KCNQ5: variants seen among roughly 807,000 people sequenced by gnomAD.
KCNQ5 encodes the protein potassium voltage-gated channel subfamily KQT member 5.
KCNQ5 carries 30 observed loss-of-function variants against 98.2 expected under a neutral mutation model. That is an observed-to-expected ratio of 0.31 (90% CI 0.23 to 0.41). The LOEUF is 0.41. Ranked by LOEUF, KCNQ5 falls within the 10% of genes least tolerant of loss-of-function variation. The probability of loss-of-function intolerance (pLI) is 1.00; values close to 1 mark genes in which losing one functional copy is unlikely to be tolerated. For synonymous variants in KCNQ5, 458 were observed against 449.4 expected, an observed-to-expected ratio of 1.02 and a Z score of -0.24; for missense variants, 835 against 1,182.5, an observed-to-expected ratio of 0.71 and a Z score of 4.31.
chr6:73,061,894 T>C (rs1051085934), intron 3 of KCNQ5, among the ~76,000 whole-genome samples: 6 of 152,132 alleles, frequency 3.9e-5, no homozygotes, highest in Non-Finnish European at 8.8e-5. Flanking sequence ...CTAGAATCGA[T>C]ACCTACAATC....
chr6:72,840,919 G>A (rs906602258), intron 1 of KCNQ5, among the ~76,000 whole-genome samples: 13 of 152,018 alleles, frequency 8.6e-5, no homozygotes, highest in African/African-American at 3.1e-4. Context: ...TGAAGTCTAC[G>A]GTTATGTTTT....
chr6:73,008,171 A>G (rs1303204822), intron 2 of KCNQ5, among the ~76,000 whole-genome samples: 1 of 152,192 alleles, frequency 6.6e-6, no homozygotes, highest in Non-Finnish European at 1.5e-5. Context: ...ACTAAACACA[A>G]AAGAAGGTAG....
intron 5 of KCNQ5, among the ~76,000 whole-genome samples, chr6:73,082,278 T>C (rs1773808445): frequency 6.6e-6 from 1 of 152,224 alleles, no homozygotes; most frequent in African/African-American, 2.4e-5. Context: ...TGGCAGCTTC[T>C]CACTTAAGGA....
At chr6:72,801,582 T>C (rs1161177048) in intron 1 of KCNQ5, among the ~76,000 whole-genome samples, 3 of 127,320 alleles carry the variant, frequency 2.4e-5, no homozygotes, top group Non-Finnish European at 4.9e-5. Context: ...CTTTATCCAA[T>C]TTGCCAGTCT....
intron 1 of KCNQ5, among the ~76,000 whole-genome samples, chr6:72,747,082 A>C (rs1771442943): frequency 2.0e-5 from 3 of 152,128 alleles, no homozygotes; most frequent in African/African-American, 7.2e-5. Context: ...CAGAATTTGG[A>C]TAGGAAAAAA....
Position 73,077,428 on chromosome 6 carries a change from C to T in KCNQ5, c.723C>T (p.Arg241=). The change falls in exon 4 of 14, where the codon CGC becomes CGT. Residue 241 remains arginine (R), a synonymous_variant. Coordinates refer to ENST00000370398, the MANE Select transcript of KCNQ5 (RefSeq NM_019842.4). ...GTCTCCGTTTCCTACAGATCCTCCG[C>T]ATGGTGCGCATGGACCGAAGGGGAG... The part of the protein sequence containing the change: ...LRSLRFLQIL[R]MVRMDRRGGT... The T allele has an allele frequency of 6.2e-7, 1 of 1,614,194 alleles. No individual in the cohort carries two copies. Among genetic ancestry groups the T allele is most frequent in the African/African-American group, 1.3e-5 (1 of 75,064 alleles).
intron 2 of KCNQ5, among the ~76,000 whole-genome samples, 154 bp downstream of exon 2, chr6:73,004,152 C>A (rs1459744017): frequency 6.6e-6 from 1 of 152,118 alleles, no homozygotes; most frequent in Non-Finnish European, 1.5e-5. Flanking sequence ...ATTTGCCCAC[C>A]AATTTAACAT....
At chr6:72,816,331 A>G (rs918151602) in intron 1 of KCNQ5, among the ~76,000 whole-genome samples, 6 of 152,342 alleles carry the variant, frequency 3.9e-5, no homozygotes, top group Middle Eastern at 6.8e-3. Flanking sequence ...TGAGCATAGA[A>G]GATTTTCTCA....
intron 1 of KCNQ5, among the ~76,000 whole-genome samples, chr6:72,765,326 G>A (rs1372588736): frequency 2.0e-5 from 3 of 151,940 alleles, no homozygotes; most frequent in Non-Finnish European, 4.4e-5. Context: ...AGTGGGCAGG[G>A]TGGAGGGAGA....
intron 1 of KCNQ5, among the ~76,000 whole-genome samples, chr6:72,892,837 GT>G (rs969633963): frequency 3.3e-5 from 5 of 151,576 alleles, no homozygotes; most frequent in Admixed American, 2.6e-4. Context: ...TCAGAGTTGG[GT>G]TTTTTTTCCT....
At chr6:73,067,856 G>A (rs1252563214) in intron 3 of KCNQ5, among the ~76,000 whole-genome samples, 4 of 145,158 alleles carry the variant, frequency 2.8e-5, no homozygotes, top group African/African-American at 5.3e-5. Context: ...AGATCATTTG[G>A]ACAAAAGATA....
chr6:72,925,599 C>T (rs1765376460), intron 1 of KCNQ5, among the ~76,000 whole-genome samples: 1 of 152,054 alleles, frequency 6.6e-6, no homozygotes, highest in Admixed American at 6.6e-5. Flanking sequence ...AAACAGAAAA[C>T]AATAACCCAT....
At chr6:72,975,474 A>G (rs773095494) in intron 1 of KCNQ5, among the ~76,000 whole-genome samples, 1 of 152,076 alleles carries the variant, frequency 6.6e-6, no homozygotes, top group East Asian at 1.9e-4. Flanking sequence ...GCTGGCTTTC[A>G]GCTTTCTTTT....
chr6:72,751,030 A>T (rs1771652524), intron 1 of KCNQ5, among the ~76,000 whole-genome samples: 1 of 152,066 alleles, frequency 6.6e-6, no homozygotes, highest in Admixed American at 6.6e-5. Flanking sequence ...AATGGCTAAG[A>T]TATGGTTCCT....
intron 1 of KCNQ5, among the ~76,000 whole-genome samples, chr6:72,914,387 G>T (rs901081360): frequency 2.0e-5 from 3 of 151,624 alleles, no homozygotes; most frequent in African/African-American, 7.3e-5. Context: ...TTTTTAGCCT[G>T]CCAATGTTTT....
At chr6:72,698,631 GTTT>G (rs1443756633) in intron 1 of KCNQ5, among the ~76,000 whole-genome samples, 2 of 116,594 alleles carry the variant, frequency 1.7e-5, no homozygotes, top group Non-Finnish European at 3.5e-5. Flanking sequence ...GTAAATCTGT[GTTT>G]TTTTCTTCTT....
At chr6:72,791,744 T>C (rs182528713) in intron 1 of KCNQ5, among the ~76,000 whole-genome samples, 3 of 152,296 alleles carry the variant, frequency 2.0e-5, no homozygotes, top group African/African-American at 7.2e-5. Context: ...TGAAGGACCA[T>C]GTCTAGTGAG....
At chr6:72,703,409 CTGGT>C (rs1315694359) in intron 1 of KCNQ5, among the ~76,000 whole-genome samples, 1 of 152,106 alleles carries the variant, frequency 6.6e-6, no homozygotes, top group African/African-American at 2.4e-5. Context: ...ACTTCTATGG[CTGGT>C]TTGTTTGTTT....
intron 1 of KCNQ5, among the ~76,000 whole-genome samples, chr6:72,941,572 T>C (rs867501567): frequency 1.9e-4 from 20 of 103,160 alleles, no homozygotes; most frequent in African/African-American, 5.6e-4. Context: ...CCTTCCTTCC[T>C]CCTTCCCTCC....
Sources: gnomAD v4.1 joint callset for allele counts (sites outside exome capture counted in the v4.1 genomes callset) on GRCh38, gnomAD v4.1.1 for gene constraint, MANE v1.5 for transcripts, NCBI Gene and HGNC (gene_info 2026-07-23, HGNC 2026-07-21) for gene names.